Variants in CNKSR2 observed in about 807,000 individuals in gnomAD.
CNKSR2 encodes connector enhancer of kinase suppressor of Ras 2.
A neutral mutation model predicts 84.4 loss-of-function variants in CNKSR2; 14 were observed. The observed-to-expected ratio is 0.17, with a 90% confidence interval of 0.11 to 0.26. The LOEUF is 0.26. Among genes scored for constraint, CNKSR2 ranks in the 10% least tolerant of loss-of-function variants. The pLI, the probability that CNKSR2 is intolerant of heterozygous loss-of-function variation, is 1.00. For missense variants in CNKSR2, 485 were observed against 771.2 expected, an observed-to-expected ratio of 0.63 and a Z score of 4.40; for synonymous variants, 275 against 277.9, an observed-to-expected ratio of 0.99 and a Z score of 0.10.
At chrX:21,443,091 A>G (rs764167815) in intron 4 of CNKSR2, among the ~76,000 whole-genome samples, 4 of 110,815 alleles carry the variant, frequency 3.6e-5, no homozygotes, top group Non-Finnish European at 5.7e-5. Context: ...AGCAAACCCC[A>G]TGATACCCAA....
At chrX:21,621,022 A>G (rs779554234) in intron 20 of CNKSR2, among the ~76,000 whole-genome samples, 2 of 111,359 alleles carry the variant, frequency 1.8e-5, no homozygotes, top group Admixed American at 9.6e-5. Flanking sequence ...TGCTCTCACC[A>G]TATGCCTTGC....
intron 17 of CNKSR2, among the ~76,000 whole-genome samples, chrX:21,600,709 A>G (rs2092476667): frequency 8.9e-6 from 1 of 112,444 alleles, no homozygotes; most frequent in Non-Finnish European, 1.9e-5. Flanking sequence ...ATCTAAACAG[A>G]TGTTAAAATT....
intron 3 of CNKSR2, among the ~76,000 whole-genome samples, chrX:21,440,162 T>C (rs1477988968): frequency 1.8e-5 from 2 of 111,446 alleles, no homozygotes; most frequent in African/African-American, 6.5e-5. Flanking sequence ...TACCTTATGC[T>C]TCTCCTCTGT....
chrX:21,396,578 G>A lies in CNKSR2; in HGVS notation c.64+21617G>A, dbSNP rs970771341. ...AAACTCAAATACAGTTCTTGTGTCCGTTATTGAAACACATCATCATTTAAA... is the reference window on the plus strand; with the variant it reads ...AAACTCAAATACAGTTCTTGTGTCCATTATTGAAACACATCATCATTTAAA... On this transcript the variant is annotated intron_variant, in intron 1 of 21. Transcript: ENST00000379510. Among the ~76,000 whole-genome samples, 4 of 111,095 alleles carry A rather than the reference G, an allele frequency of 3.6e-5. 1 individual carries two copies. The highest frequency in any genetic ancestry group is 5.6e-4 in the East Asian group (2 of 3,552).
At chrX:21,496,489 G>A (rs984426198) in intron 6 of CNKSR2, among the ~76,000 whole-genome samples, 3 of 111,341 alleles carry the variant, frequency 2.7e-5, no homozygotes, top group Non-Finnish European at 3.8e-5. Flanking sequence ...AAAGTGATAA[G>A]CATTCATTTT....
At chrX:21,445,074 A>G (rs779862914) in intron 4 of CNKSR2, among the ~76,000 whole-genome samples, 2 of 111,390 alleles carry the variant, frequency 1.8e-5, no homozygotes, top group South Asian at 7.5e-4. Context: ...ACAGACATTT[A>G]AAACACAACT....
At chrX:21,627,728 C>T (rs990464718) in intron 20 of CNKSR2, among the ~76,000 whole-genome samples, 2 of 111,354 alleles carry the variant, frequency 1.8e-5, no homozygotes, top group African/African-American at 3.3e-5. Context: ...ACAGGAAAGA[C>T]CCACCCCCAT....
intron 5 of CNKSR2, among the ~76,000 whole-genome samples, chrX:21,472,432 A>G (rs2147146682): frequency 8.9e-6 from 1 of 111,863 alleles, no homozygotes; most frequent in South Asian, 3.7e-4. Flanking sequence ...AAAGAGCTGT[A>G]CTTTTCTTCA....
chrX:21,599,296 T>C (rs2092467198), intron 17 of CNKSR2, among the ~76,000 whole-genome samples: 1 of 110,991 alleles, frequency 9.0e-6, no homozygotes, highest in Non-Finnish European at 1.9e-5. Context: ...CTTTGTTCTT[T>C]ACATTTCTGA....
chrX:21,518,462 A>G lies in CNKSR2; in HGVS notation c.957+1831A>G, dbSNP rs187921133. Reference sequence around the variant, plus strand: ...CGGTTTGAGGGAATATCTCTAGCACATGCTTTTATAATCTATTCCCCTGTT... The same window carrying G: ...CGGTTTGAGGGAATATCTCTAGCACGTGCTTTTATAATCTATTCCCCTGTT... On this transcript the variant is annotated intron_variant, in intron 9 of 21. Coordinates refer to ENST00000379510, the MANE Select transcript of CNKSR2 (RefSeq NM_014927.5). Among the ~76,000 whole-genome samples, 286 of 111,888 alleles carry G rather than the reference A, an allele frequency of 2.6e-3. 2 individuals are homozygous for G. The South Asian group carries it at 0.048, about 19-fold the overall frequency.
intron 7 of CNKSR2, among the ~76,000 whole-genome samples, chrX:21,500,645 A>G (rs2091550238): frequency 9.0e-6 from 1 of 111,688 alleles, no homozygotes; most frequent in East Asian, 2.8e-4. Flanking sequence ...GACCTGCAAT[A>G]TAAAATTTCT....
At chrX:21,651,714 G>C (rs2092721269) in intron 21 of CNKSR2, among the ~76,000 whole-genome samples, 1 of 111,398 alleles carries the variant, frequency 9.0e-6, no homozygotes, top group South Asian at 3.8e-4. Flanking sequence ...ATGAAGCTCA[G>C]TCTTCAGCTG....
rs1419308864 is a variant in CNKSR2, at chrX:21,497,229, G to C, written c.682-558G>C. On this transcript the variant is annotated intron_variant, in intron 6 of 21. Coordinates refer to ENST00000379510, the MANE Select transcript of CNKSR2 (RefSeq NM_014927.5). ...TTTAATTATCGATGTAGATATGATT[G>C]GATATAATTAGTAAAACTTTATCAA... 2.7e-5 allele frequency among the ~76,000 whole-genome samples: 3 copies of C among 110,876 alleles called. No individual in the cohort carries two copies. In the East Asian group the frequency reaches 8.4e-4, roughly 31 times the overall value.
At chrX:21,434,768 T>A (rs950892624) in intron 3 of CNKSR2, among the ~76,000 whole-genome samples, 1 of 110,040 alleles carries the variant, frequency 9.1e-6, no homozygotes, top group African/African-American at 3.3e-5. Flanking sequence ...TTATTTTATG[T>A]CACTTGAAAG....
chrX:21,395,496 A>C (rs1054077423), intron 1 of CNKSR2, among the ~76,000 whole-genome samples: 1 of 111,010 alleles, frequency 9.0e-6, no homozygotes, highest in African/African-American at 3.3e-5. Context: ...GCTCTGAGCC[A>C]TTCATAACTC....
chrX:21,450,383 CTA>C (rs1303760247), intron 4 of CNKSR2, among the ~76,000 whole-genome samples: 2 of 111,318 alleles, frequency 1.8e-5, no homozygotes, highest in African/African-American at 6.5e-5. Flanking sequence ...TGATCTAAAA[CTA>C]TTTTTTGCAT....
At chrX:21,500,431 T>C (rs2091547500) in intron 7 of CNKSR2, among the ~76,000 whole-genome samples, 1 of 111,385 alleles carries the variant, frequency 9.0e-6, no homozygotes, top group South Asian at 3.6e-4. Flanking sequence ...CATTACCATA[T>C]TCTTCTTCTT....
At chrX:21,426,733 CCTCTT>C in intron 2 of CNKSR2, 73 bp downstream of exon 2, 1 of 1,057,891 alleles carries the variant, frequency 9.5e-7, no homozygotes, top group African/African-American at 1.9e-5. Flanking sequence ...TTTTTCTTCT[CCTCTT>C]TTGATAATCG....
chrX:21,513,266 T>C (rs962114026), intron 8 of CNKSR2, among the ~76,000 whole-genome samples: 3 of 111,598 alleles, frequency 2.7e-5, no homozygotes, highest in African/African-American at 9.8e-5. Flanking sequence ...TGTGTAACAC[T>C]TAGCCTAGAG....
Sources: gnomAD v4.1 joint callset for allele counts (sites outside exome capture counted in the v4.1 genomes callset) on GRCh38, gnomAD v4.1.1 for gene constraint, MANE v1.5 for transcripts, NCBI Gene and HGNC (gene_info 2026-07-23, HGNC 2026-07-21) for gene names.